The following TYROBP variants were observed in gnomAD, a reference collection of about 807,000 sequenced individuals.
The protein encoded by TYROBP is TYRO protein tyrosine kinase-binding protein.
In TYROBP, 14 loss-of-function variants were observed where a neutral mutation model predicts 17.1. The ratio of observed to expected loss-of-function variants is 0.82; its 90% confidence interval spans 0.54 to 1.28. The LOEUF is 1.28. TYROBP is among the 50% of genes most tolerant of loss of function. TYROBP has a pLI of 0.00. For missense variants in TYROBP, 161 were observed against 151.4 expected (o/e 1.06, Z -0.33); for synonymous variants, 73 against 67.4 (o/e 1.08, Z -0.41).
chr19:35,907,255 C>G lies in TYROBP; in HGVS notation c.239G>C (p.Arg80Pro). Reference protein sequence around the residue: ...RGRGAAEAATRKQRITETESP... With the variant: ...RGRGAAEAATPKQRITETESP... ...CTCGGTCTCAGTGATACGCTGTTTCCGGGTCGCTGCTGGAGGTGAGGGGTG... is the reference window on the plus strand; with the variant it reads ...CTCGGTCTCAGTGATACGCTGTTTCGGGGTCGCTGCTGGAGGTGAGGGGTG... Residue 80 changes from arginine (R) to proline (P), a missense_variant, in exon 4 of 5, where the codon CGG becomes CCG. Arg to Pro is a moderately radical substitution (Grantham distance 103). Coordinates refer to ENST00000262629, the MANE Select transcript of TYROBP (RefSeq NM_003332.4). 1 of 1,609,396 alleles carries G rather than the reference C, an allele frequency of 6.2e-7. No individual in the cohort carries two copies. The highest frequency in any genetic ancestry group is 8.5e-7 in the Non-Finnish European group (1 of 1,178,188).
chr19:35,906,925 C>T (rs1975738990), intron 4 of TYROBP, among the ~76,000 whole-genome samples: 1 of 152,006 alleles, frequency 6.6e-6, no homozygotes, highest in Admixed American at 6.6e-5. Context: ...AGGGTTTCAC[C>T]ATGTTGGTCT....
chr19:35,905,214 C>G (rs1426912368), intron 4 of TYROBP, among the ~76,000 whole-genome samples: 1 of 152,186 alleles, frequency 6.6e-6, no homozygotes, highest in African/African-American at 2.4e-5. Flanking sequence ...AGAGCCAAAC[C>G]TGAGATTCTT....
rs1975742618 is a variant in TYROBP, at chr19:35,907,123, G to A, written c.276+95C>T. 5 of 1,281,520 alleles carry A rather than the reference G, an allele frequency of 3.9e-6. No individual in the cohort carries two copies. In the South Asian group the frequency reaches 6.4e-5, roughly 16 times the overall value. The allele number at this position is 1,281,520 out of a possible 1,614,324, so 79.4% of individuals were successfully genotyped here. On this transcript the variant is annotated intron_variant, in intron 4 of 4. Transcript: ENST00000262629. ...AAGGTTTGGGGGTGCTTTAGGCAGA[G>A]TGGCTTTGAGGTCCCTCTGATGGCA...
At chr19:35,906,244 C>T (rs1295010399) in intron 4 of TYROBP, among the ~76,000 whole-genome samples, 1 of 151,818 alleles carries the variant, frequency 6.6e-6, no homozygotes, top group Non-Finnish European at 1.5e-5. Context: ...GCGCATGACA[C>T]CATGCCCAGC....
intron 4 of TYROBP, among the ~76,000 whole-genome samples, 167 bp downstream of exon 4, chr19:35,907,051 T>C (rs1050125846): frequency 2.0e-5 from 3 of 152,078 alleles, no homozygotes; most frequent in Non-Finnish European, 4.4e-5. Flanking sequence ...CATAAGCTTG[T>C]GGTTGATCAT....
intron 4 of TYROBP, 98 bp from the exon 5 acceptor site, chr19:35,904,732 T>C (rs1329336754): frequency 1.8e-6 from 2 of 1,097,838 alleles, no homozygotes; most frequent in African/African-American, 1.6e-5. Flanking sequence ...TTCAGCCTTA[T>C]AGCCATGAAA....
chr19:35,908,264 C>A lies in TYROBP; in HGVS notation c.-36G>T. ...GCTGCTGGACACCACAGTGTAAGGG[C>A]CGGTGGGATGTGGCGCAGCGTCCAG... On this transcript the variant is annotated 5_prime_UTR_variant, in exon 1 of 5. Coordinates refer to ENST00000262629, the MANE Select transcript of TYROBP (RefSeq NM_003332.4). The A allele has an allele frequency of 2.5e-6, 4 of 1,595,590 alleles. No individual in the cohort carries two copies. Among genetic ancestry groups the A allele is most frequent in the Non-Finnish European group, 3.4e-6 (4 of 1,163,474 alleles).
At chr19:35,907,680 C>CAGGGAGGTCTCTGGGAGGTAG (rs1568505084) in intron 2 of TYROBP, 50 bp downstream of exon 2, 2 of 1,613,052 alleles carry the variant, frequency 1.2e-6, no homozygotes, top group East Asian at 4.5e-5. Flanking sequence ...GAGACGGAGA[C>CAGGGAGGTCTCTGGGAGGTAG]AGGGAGGTCT....
At chr19:35,907,637 T>G in intron 2 of TYROBP, 57 bp from the exon 3 acceptor site, 2 of 1,610,182 alleles carry the variant, frequency 1.2e-6, no homozygotes, top group East Asian at 2.2e-5. Context: ...GGGAGGGGGG[T>G]CAGCGGCAGG....
Position 35,908,182 on chromosome 19 carries a change from A to G in TYROBP, c.47T>C (p.Leu16Pro). The G allele has an allele frequency of 6.2e-7, 1 of 1,613,908 alleles. No individual in the cohort carries two copies. Among genetic ancestry groups the G allele is most frequent in the African/African-American group, 1.3e-5 (1 of 75,026 alleles). Residue 16 changes from leucine to proline, a missense_variant, in exon 1 of 5, where the codon CTG becomes CCG. Coordinates refer to ENST00000262629, the MANE Select transcript of TYROBP (RefSeq NM_003332.4). ...CCCTAACTCACCACTTACAGCCAGCAGGAGAGGCAGGAGCAGGAGCCTGCT... is the reference window on the plus strand; with the variant it reads ...CCCTAACTCACCACTTACAGCCAGCGGGAGAGGCAGGAGCAGGAGCCTGCT... ...PCSRLLLLPL[L>P]LAVSGLRPVQ...
At chr19:35,907,305 G>A in intron 3 of TYROBP, 41 bp from the exon 4 acceptor site, 1 of 1,611,796 alleles carries the variant, frequency 6.2e-7, no homozygotes, top group Non-Finnish European at 8.5e-7. Context: ...GACAGGCAGA[G>A]TGGTGAGTTG....
At position 35,905,283 on chromosome 19, in the gene TYROBP, C is replaced by T. The variant is rs187745232; in HGVS notation, c.277-649G>A. On this transcript the variant is annotated intron_variant, in intron 4 of 4. Coordinates refer to ENST00000262629, the MANE Select transcript of TYROBP (RefSeq NM_003332.4). Reference sequence around the variant, plus strand: ...GTGAATAGGCAAAGCTGGTTGCAGACAATATATCAGACTTCACACAGCAGT... The same window carrying T: ...GTGAATAGGCAAAGCTGGTTGCAGATAATATATCAGACTTCACACAGCAGT... Among the ~76,000 whole-genome samples, 116 of 152,292 alleles carry T rather than the reference C, an allele frequency of 7.6e-4. 1 individual carries two copies. The South Asian group carries it at 0.01, about 13-fold the overall frequency.
chr19:35,907,297 C>G, intron 3 of TYROBP, 33 bp from the exon 4 acceptor site: 2 of 1,612,564 alleles, frequency 1.2e-6, no homozygotes, highest in Non-Finnish European at 1.7e-6. Flanking sequence ...GGTGCAGAGA[C>G]AGGCAGAGTG....
Position 35,904,544 on chromosome 19 carries a change from T to C in TYROBP, c.*25A>G. ...CAGGAATGGCTGGATCCAGGTATCA[T>C]GTTGCTGACTGTCATGATTCGGGCT... On this transcript the variant is annotated 3_prime_UTR_variant, in exon 5 of 5. Coordinates refer to ENST00000262629, the MANE Select transcript of TYROBP (RefSeq NM_003332.4). 1.2e-6 allele frequency: 2 copies of C among 1,612,066 alleles called. No homozygotes were observed. The highest frequency in any genetic ancestry group is 1.7e-6 in the Non-Finnish European group (2 of 1,179,056).
chr19:35,907,644 C>A, intron 2 of TYROBP, 64 bp from the exon 3 acceptor site: 1 of 1,612,926 alleles, frequency 6.2e-7, no homozygotes, highest in East Asian at 2.2e-5. Flanking sequence ...GGGTCAGCGG[C>A]AGGGAGGTTT....
rs184784706 is a variant in TYROBP at position 35,908,137 on chromosome 19, C to A, written c.61+31G>T. On this transcript the variant is annotated intron_variant, in intron 1 of 4. Coordinates refer to ENST00000262629, the MANE Select transcript of TYROBP (RefSeq NM_003332.4). ...CTGCCCCAAGCTGAGCCCAGGGACC[C>A]GGGAGGCAGCCACGGAAGCCCCTAA... is the stretch of plus-strand genomic sequence containing the variant. 533 of 1,606,816 alleles carry A rather than the reference C, an allele frequency of 3.3e-4. 2 individuals carry two copies. The African/African-American group carries it at 6.5e-3, about 20-fold the overall frequency.
intron 2 of TYROBP, 26 bp downstream of exon 2, chr19:35,907,704 A>G (rs965056847): frequency 1.2e-5 from 19 of 1,613,810 alleles, no homozygotes; most frequent in Non-Finnish European, 1.5e-5. Flanking sequence ...GGAGGTAGAG[A>G]GAGGGACTGC....
intron 4 of TYROBP, among the ~76,000 whole-genome samples, chr19:35,906,557 G>C (rs1444230255): frequency 1.3e-5 from 2 of 152,064 alleles, no homozygotes; most frequent in Non-Finnish European, 2.9e-5. Flanking sequence ...CCTCTCTTTA[G>C]AGTTACCAAG....
chr19:35,905,194 T>C (rs1266402054), intron 4 of TYROBP, among the ~76,000 whole-genome samples: 1 of 152,194 alleles, frequency 6.6e-6, no homozygotes, highest in African/African-American at 2.4e-5. Flanking sequence ...CTCGGTCTTC[T>C]GGATATCACA....
Sources: gnomAD v4.1 joint callset for allele counts (sites outside exome capture counted in the v4.1 genomes callset) on GRCh38, gnomAD v4.1.1 for gene constraint, MANE v1.5 for transcripts, NCBI Gene and HGNC (gene_info 2026-07-23, HGNC 2026-07-21) for gene names.